Variants in VPS41 observed in about 807,000 individuals in gnomAD.
VPS41 encodes vacuolar protein sorting-associated protein 41 homolog.
In VPS41, 85 loss-of-function variants were observed where a neutral mutation model predicts 130.9. That is an observed-to-expected ratio of 0.65 (90% CI 0.55 to 0.78). The LOEUF (loss-of-function observed/expected upper bound fraction) is 0.78. Ranked by LOEUF, VPS41 falls within the 30% of genes least tolerant of loss-of-function variation. The pLI, the probability that VPS41 is intolerant of heterozygous loss-of-function variation, is 0.00. For synonymous variants in VPS41, 335 were observed against 332.9 expected (o/e 1.01, Z -0.07); for missense variants, 874 against 1,018.7 (o/e 0.86, Z 1.93).
rs944757573 is a variant in VPS41 at position 38,830,170 on chromosome 7, C to A, written c.321+84G>T. On this transcript the variant is annotated intron_variant, in intron 5 of 28. Coordinates refer to ENST00000310301, the MANE Select transcript of VPS41 (RefSeq NM_014396.4). ...AAGAATAATCAAGATTGTCTTAATG[C>A]AGTTATATAGTAAGCAAGGTGCTGT... 61 of 817,044 alleles carry A rather than the reference C, an allele frequency of 7.5e-5. No individual in the cohort carries two copies. The South Asian group carries it at 8.7e-4, about 12-fold the overall frequency. The allele number at this position is 817,044 out of a possible 1,614,324, so 50.6% of individuals were successfully genotyped here.
intron 1 of VPS41, among the ~76,000 whole-genome samples, chr7:38,907,184 A>G (rs903858867): frequency 2.6e-5 from 4 of 152,232 alleles, no homozygotes; most frequent in Non-Finnish European, 4.4e-5. Context: ...GAAGGTCGCA[A>G]TGAAAAAGAA....
chr7:38,812,402 G>A (rs1053017705), intron 7 of VPS41, among the ~76,000 whole-genome samples: 2 of 151,986 alleles, frequency 1.3e-5, no homozygotes, highest in African/African-American at 4.8e-5. Context: ...AAAATATATT[G>A]TACACCTAAT....
intron 2 of VPS41, among the ~76,000 whole-genome samples, chr7:38,886,534 G>A (rs1786736457): frequency 1.3e-5 from 2 of 152,220 alleles, no homozygotes; most frequent in African/African-American, 2.4e-5. Context: ...ACTGGGCAGA[G>A]CCCACCGCAG....
At chr7:38,815,576 C>G (rs1438856631) in intron 7 of VPS41, among the ~76,000 whole-genome samples, 2 of 152,132 alleles carry the variant, frequency 1.3e-5, no homozygotes, top group East Asian at 3.8e-4. Flanking sequence ...CAAAGTATTG[C>G]TCCTGGGTGT....
At position 38,759,902 on chromosome 7, in the gene VPS41, T is replaced by A. The variant is rs536966041; in HGVS notation, c.1423-1421A>T. Among the ~76,000 whole-genome samples the A allele has an allele frequency of 3.9e-5, 6 of 152,276 alleles. No homozygotes were observed. The East Asian group carries it at 1.2e-3, about 29-fold the overall frequency. Reference sequence around the variant, plus strand: ...GGCAGTCTGCTTGGGACAGGGCTGCTCCCACAGTGAAACTGTCCAGCATTC... The same window carrying A: ...GGCAGTCTGCTTGGGACAGGGCTGCACCCACAGTGAAACTGTCCAGCATTC... On this transcript the variant is annotated intron_variant, in intron 17 of 28. Transcript: ENST00000310301.
chr7:38,787,185 A>G (rs1257698337), intron 10 of VPS41, among the ~76,000 whole-genome samples: 1 of 152,204 alleles, frequency 6.6e-6, no homozygotes, highest in Non-Finnish European at 1.5e-5. Flanking sequence ...AAGACCAAGA[A>G]GTCAATCATT....
intron 23 of VPS41, 57 bp from the exon 24 acceptor site, chr7:38,743,599 T>A: frequency 1.3e-6 from 2 of 1,577,480 alleles, no homozygotes; most frequent in Non-Finnish European, 1.7e-6. Context: ...ATAATTTTTT[T>A]AAAGAAATTG....
chr7:38,845,152 C>T (rs535199103), intron 4 of VPS41, among the ~76,000 whole-genome samples: 1 of 152,268 alleles, frequency 6.6e-6, no homozygotes, highest in East Asian at 1.9e-4. Flanking sequence ...CTGCCACAAG[C>T]CCACGGACAA....
rs1430470683 is a variant in VPS41 at position 38,742,126 on chromosome 7, A to AAAAT, written c.2123-9_2123-6dup. The AAAAT allele has an allele frequency of 3.1e-6, 5 of 1,604,096 alleles. No homozygotes were observed. Among genetic ancestry groups the AAAAT allele is most frequent in the Non-Finnish European group, 4.2e-6 (5 of 1,177,302 alleles). On this transcript the variant is annotated splice_region_variant and splice_polypyrimidine_tract_variant and intron_variant, in intron 24 of 28. Transcript: ENST00000310301. ...TTAACAAGCCAGTAATAAATGCTACAAAATACCACATAAAACAATGAACAT... is the reference window on the plus strand; with the variant it reads ...TTAACAAGCCAGTAATAAATGCTACAAAATAAATACCACATAAAACAATGAACAT...
At chr7:38,851,839 T>C (rs1294539857) in intron 4 of VPS41, among the ~76,000 whole-genome samples, 1 of 152,232 alleles carries the variant, frequency 6.6e-6, no homozygotes. Context: ...TTTGTAATTT[T>C]AGCCATTCTA....
chr7:38,903,624 C>A (rs1034638043), intron 1 of VPS41, among the ~76,000 whole-genome samples: 1 of 152,186 alleles, frequency 6.6e-6, no homozygotes, highest in Non-Finnish European at 1.5e-5. Flanking sequence ...GTCTTCCCAA[C>A]AAACTATGCG....
chr7:38,728,423 C>T (rs1795590344), intron 27 of VPS41, 119 bp downstream of exon 27: 2 of 1,127,600 alleles, frequency 1.8e-6, no homozygotes, highest in African/African-American at 1.5e-5. Flanking sequence ...CACTTCTCTC[C>T]ACTGGGTTAT....
chr7:38,819,617 C>A (rs1024161483), intron 6 of VPS41, among the ~76,000 whole-genome samples: 1 of 152,074 alleles, frequency 6.6e-6, no homozygotes, highest in African/African-American at 2.4e-5. Context: ...TTGTTTCAGT[C>A]CTTCCCCCTA....
chr7:38,800,548 T>C (rs905336724), intron 7 of VPS41, among the ~76,000 whole-genome samples: 1 of 152,204 alleles, frequency 6.6e-6, no homozygotes, highest in African/African-American at 2.4e-5. Context: ...AAAAATTCAC[T>C]GGAGATTGGG....
intron 5 of VPS41, among the ~76,000 whole-genome samples, chr7:38,825,131 G>A (rs1184221947): frequency 1.3e-5 from 2 of 152,180 alleles, no homozygotes; most frequent in African/African-American, 4.8e-5. Context: ...AAGCAAAAAT[G>A]TCACTGTCAT....
chr7:38,834,918 C>T (rs963051753), intron 4 of VPS41, among the ~76,000 whole-genome samples: 1 of 151,052 alleles, frequency 6.6e-6, no homozygotes, highest in African/African-American at 2.4e-5. Flanking sequence ...ACTTTTTGTT[C>T]GTTCACTGTT....
At chr7:38,811,413 A>G (rs1351931241) in intron 7 of VPS41, among the ~76,000 whole-genome samples, 1 of 152,092 alleles carries the variant, frequency 6.6e-6, no homozygotes, top group African/African-American at 2.4e-5. Flanking sequence ...ATACATATTT[A>G]CATGATAAAA....
intron 4 of VPS41, among the ~76,000 whole-genome samples, chr7:38,847,440 C>T (rs1018009773): frequency 6.6e-6 from 1 of 151,926 alleles, no homozygotes; most frequent in African/African-American, 2.4e-5. Context: ...AATTTTTTTT[C>T]TCTAACAGTA....
chr7:38,733,216 T>C (rs1030072361), intron 25 of VPS41, among the ~76,000 whole-genome samples: 2 of 152,254 alleles, frequency 1.3e-5, no homozygotes, highest in Non-Finnish European at 2.9e-5. Flanking sequence ...ACTACCAATG[T>C]AATTTAGTTA....
Sources: allele counts gnomAD v4.1 joint callset (sites outside exome capture counted in the v4.1 genomes callset), GRCh38; gene constraint gnomAD v4.1.1; transcripts MANE v1.5; gene names NCBI Gene and HGNC (gene_info 2026-07-23, HGNC 2026-07-21).